ZNF846: variants seen among roughly 807,000 people sequenced by gnomAD.
ZNF846 encodes zinc finger protein 420 pseudogene.
Under a neutral mutation model 16.0 loss-of-function variants are expected in ZNF846, and 15 were observed. The ratio of observed to expected loss-of-function variants is 0.94; its 90% confidence interval spans 0.63 to 1.45. The LOEUF is 1.45. Among genes scored for constraint, ZNF846 ranks in the 40% most tolerant of loss-of-function variants. The probability of loss-of-function intolerance (pLI) is 0.00; values close to 1 mark genes in which losing one functional copy is unlikely to be tolerated. For missense variants in ZNF846, 714 were observed against 622.3 expected (o/e 1.15, Z -1.57); for synonymous variants, 229 against 212.0 (o/e 1.08, Z -0.70).
intron 1 of ZNF846, among the ~76,000 whole-genome samples, chr19:9,783,544 A>ATATAT (rs59645706): frequency 1.1e-4 from 12 of 108,834 alleles, no homozygotes; most frequent in African/African-American, 4.4e-4. Flanking sequence ...AAAAAAAAAA[A>ATATAT]ATATATATAT....
chr19:9,777,149 GCACACACACACACACACACACACA>G (rs113160573), intron 1 of ZNF846, among the ~76,000 whole-genome samples: 1 of 131,654 alleles, frequency 7.6e-6, no homozygotes. Flanking sequence ...ACACACACAC[GCACACACACACACACACACACACA>G]CACAATTGGA....
intron 4 of ZNF846, 105 bp from the exon 5 acceptor site, chr19:9,760,047 T>G (rs138570417): frequency 0.015 from 11,329 of 770,610 alleles, 131 homozygotes; most frequent in Non-Finnish European, 0.017. Flanking sequence ...ATCCTAGCAC[T>G]TTTGGAGGCC....
chr19:9,780,239 G>C (rs1037967210), intron 1 of ZNF846, among the ~76,000 whole-genome samples: 1 of 151,708 alleles, frequency 6.6e-6, no homozygotes, highest in Non-Finnish European at 1.5e-5. Flanking sequence ...TATAGCCCAG[G>C]CTGGAGTGGA....
At chr19:9,785,068 G>A (rs573812574) in intron 1 of ZNF846, among the ~76,000 whole-genome samples, 21 of 151,850 alleles carry the variant, frequency 1.4e-4, no homozygotes, top group Admixed American at 5.9e-4. Flanking sequence ...CTTTTCCCCC[G>A]CACATATACT....
At chr19:9,772,814 T>C (rs1028441030), upstream of ZNF846, among the ~76,000 whole-genome samples, 9 of 152,182 alleles carry the variant, frequency 5.9e-5, no homozygotes, top group Non-Finnish European at 1.3e-4. Context: ...GCCTTATGCC[T>C]GTAATATCAG....
chr19:9,773,149 T>A (rs1310117487), upstream of ZNF846, among the ~76,000 whole-genome samples: 1 of 152,210 alleles, frequency 6.6e-6, no homozygotes, highest in Admixed American at 6.5e-5. Flanking sequence ...CCATAGATGC[T>A]GATGAAGCCT....
chr19:9,756,319 G>A (rs183378683), downstream of ZNF846: 1 of 129,546 alleles, frequency 7.7e-6, no homozygotes, highest in South Asian at 2.5e-4. Flanking sequence ...ATGTGTGTGT[G>A]CATATATATG....
chr19:9,759,848 T>C lies in ZNF846; in HGVS notation c.312+12A>G. The C allele has an allele frequency of 2.5e-6, 4 of 1,595,052 alleles. No individual in the cohort carries two copies. The highest frequency in any genetic ancestry group is 2.6e-6 in the Non-Finnish European group (3 of 1,164,914). ...TCCTAGTGTGGAAGATTTCATCCCT[T>C]GGAAATCTTACCAATTGTACTCCAT... On this transcript the variant is annotated intron_variant, in intron 5 of 5. Coordinates refer to ENST00000397902, the Ensembl canonical transcript of ZNF846.
chr19:9,768,088 AG>A (rs1484973562), intron 1 of ZNF846, among the ~76,000 whole-genome samples, 200 bp downstream of exon 1: 1 of 152,212 alleles, frequency 6.6e-6, no homozygotes, highest in Non-Finnish European at 1.5e-5. Context: ...GTACTGACCT[AG>A]GAAGTTCAGC....
chr19:9,765,622 G>A (rs1383735610), intron 1 of ZNF846, among the ~76,000 whole-genome samples: 5 of 152,218 alleles, frequency 3.3e-5, no homozygotes, highest in Middle Eastern at 3.4e-3. Flanking sequence ...GCAGTGAGCC[G>A]AGATTGCACC....
At chr19:9,750,892 C>T (rs1003680090), downstream of ZNF846, among the ~76,000 whole-genome samples, 1 of 152,160 alleles carries the variant, frequency 6.6e-6, no homozygotes, top group East Asian at 1.9e-4. Flanking sequence ...GATTTACTCA[C>T]TGCTGAAAAA....
At position 9,763,266 on chromosome 19, in the gene ZNF846, A is replaced by G; in HGVS notation, c.142+16T>C. 1 of 1,557,686 alleles carries G rather than the reference A, an allele frequency of 6.4e-7. No homozygotes were observed. The highest frequency in any genetic ancestry group is 2.0e-5 in the Admixed American group (1 of 51,158). On this transcript the variant is annotated intron_variant, in intron 3 of 5. Coordinates refer to ENST00000397902, the Ensembl canonical transcript of ZNF846. ...ATTTCCTAAAGGGGTCAGTGAAGAA[A>G]TGATGCCAGTTTTACCTAGTATAAT...
chr19:9,755,414 A>G (rs982906566), downstream of ZNF846: 2 of 151,538 alleles, frequency 1.3e-5, no homozygotes, highest in Non-Finnish European at 2.9e-5. Context: ...GTACAGTAAC[A>G]GTAGTATCTG....
At chr19:9,753,219 A>AATCT (rs1555710854), downstream of ZNF846, among the ~76,000 whole-genome samples, 5 of 134,512 alleles carry the variant, frequency 3.7e-5, no homozygotes, top group African/African-American at 1.5e-4. Context: ...GAGGAGACAA[A>AATCT]ATTTATTTAT....
chr19:9,784,491 A>C (rs537891272), intron 1 of ZNF846, among the ~76,000 whole-genome samples: 8 of 152,332 alleles, frequency 5.3e-5, no homozygotes, highest in African/African-American at 1.9e-4. Context: ...AGTAAATAGA[A>C]TGTGCAATCG....
chr19:9,758,402 G>A, exon 6 of ZNF846: 5 of 1,613,152 alleles, frequency 3.1e-6, no homozygotes, highest in Non-Finnish European at 3.4e-6. Context: ...TACATACATA[G>A]TGTTTGTCTC....
intron 3 of ZNF846, 46 bp from the exon 4 acceptor site, chr19:9,762,214 C>T (rs1270573712): frequency 6.9e-7 from 1 of 1,455,094 alleles, no homozygotes; most frequent in Non-Finnish European, 9.6e-7. Flanking sequence ...CAAGACATAA[C>T]ACCATGTCCT....
chr19:9,784,834 C>A (rs185337916), intron 1 of ZNF846, among the ~76,000 whole-genome samples: 67 of 152,280 alleles, frequency 4.4e-4, no homozygotes, highest in Admixed American at 1.5e-3. Context: ...TTTAACAAAG[C>A]ACATCCTGCA....
rs540329071 is a variant in ZNF846, at chr19:9,764,134, C to A, written c.16-726G>T. ...ATGGAATGCGACCCTTGTGGAGAGC[C>A]TATAAACAGATGCATGGGGGGTGCC... On this transcript the variant is annotated intron_variant, in intron 2 of 5. Coordinates refer to ENST00000397902, the Ensembl canonical transcript of ZNF846. 3.3e-5 allele frequency among the ~76,000 whole-genome samples: 5 copies of A among 152,256 alleles called. No individual in the cohort carries two copies. In the South Asian group the frequency reaches 1.0e-3, roughly 32 times the overall value.
Sources: gnomAD v4.1 joint callset for allele counts (sites outside exome capture counted in the v4.1 genomes callset) on GRCh38, gnomAD v4.1.1 for gene constraint, MANE v1.5 for transcripts, NCBI Gene and HGNC (gene_info 2026-07-23, HGNC 2026-07-21) for gene names.